VEPH1: variants seen among roughly 807,000 people sequenced by gnomAD.
VEPH1 encodes ventricular zone-expressed PH domain-containing protein homolog 1.
VEPH1 carries 80 observed loss-of-function variants against 85.2 expected under a neutral mutation model. That is an observed-to-expected ratio of 0.94 (90% CI 0.78 to 1.13). The LOEUF (loss-of-function observed/expected upper bound fraction) is 1.13, where lower values mean the gene tolerates loss of function less well. Ranked by LOEUF, VEPH1 falls within the 50% of genes most tolerant of loss-of-function variation. The pLI, the probability that VEPH1 is intolerant of heterozygous loss-of-function variation, is 0.00. For missense variants in VEPH1, 955 were observed against 980.5 expected (o/e 0.97, Z 0.35); for synonymous variants, 297 against 348.0 (o/e 0.85, Z 1.63).
chr3:157,349,165 C>A (rs889638923), intron 9 of VEPH1, among the ~76,000 whole-genome samples: 2 of 152,082 alleles, frequency 1.3e-5, no homozygotes, highest in Non-Finnish European at 2.9e-5. Flanking sequence ...TCTAACAACA[C>A]CTCAAAATGA....
chr3:157,343,854 G>T (rs1723886773), intron 9 of VEPH1, among the ~76,000 whole-genome samples: 1 of 152,186 alleles, frequency 6.6e-6, no homozygotes, highest in South Asian at 2.1e-4. Context: ...TCATCCCTGG[G>T]ATGCAAGGCT....
intron 12 of VEPH1, among the ~76,000 whole-genome samples, chr3:157,267,961 C>G (rs544307096): frequency 1.3e-5 from 2 of 152,142 alleles, no homozygotes; most frequent in African/African-American, 4.8e-5. Context: ...AGTGATAAGA[C>G]CCCCAATCTT....
At chr3:157,476,392 A>C (rs950625995) in intron 2 of VEPH1, among the ~76,000 whole-genome samples, 5 of 152,352 alleles carry the variant, frequency 3.3e-5, no homozygotes, top group Admixed American at 2.6e-4. Flanking sequence ...GGGATCACAG[A>C]GCATTTGGTC....
chr3:157,500,195 G>C (rs1286154831), intron 1 of VEPH1, among the ~76,000 whole-genome samples: 2 of 152,176 alleles, frequency 1.3e-5, no homozygotes, highest in Non-Finnish European at 2.9e-5. Context: ...CACTCCGATG[G>C]AGAAAAGGGC....
intron 4 of VEPH1, chr3:157,442,592 G>A: frequency 6.2e-7 from 1 of 1,614,206 alleles, no homozygotes; most frequent in Non-Finnish European, 8.5e-7. Flanking sequence ...GTGGAGAGGA[G>A]AACAAACTGG....
chr3:157,295,995 A>T (rs993714121), intron 11 of VEPH1, among the ~76,000 whole-genome samples: 4 of 152,202 alleles, frequency 2.6e-5, no homozygotes, highest in African/African-American at 9.6e-5. Context: ...GTCTATTTAC[A>T]CAGTGGAAAA....
chr3:157,465,163 C>T (rs576367413), intron 3 of VEPH1, among the ~76,000 whole-genome samples: 8 of 152,272 alleles, frequency 5.3e-5, no homozygotes, highest in South Asian at 2.1e-4. Flanking sequence ...AGGGCAGCCA[C>T]GTCTCCTGAG....
chr3:157,366,782 A>C (rs546146551), intron 7 of VEPH1, among the ~76,000 whole-genome samples: 139 of 152,128 alleles, frequency 9.1e-4, no homozygotes, highest in Non-Finnish European at 1.4e-3. Flanking sequence ...ACAACAACAA[A>C]AAACACTACT....
intron 6 of VEPH1, among the ~76,000 whole-genome samples, chr3:157,399,547 G>A (rs1050140319): frequency 2.2e-4 from 33 of 151,830 alleles, no homozygotes; most frequent in African/African-American, 7.0e-4. Flanking sequence ...TCAAAAATTT[G>A]CTGTTATTGA....
intron 2 of VEPH1, among the ~76,000 whole-genome samples, chr3:157,485,866 A>C (rs1738575581): frequency 6.6e-6 from 1 of 152,148 alleles, no homozygotes; most frequent in Non-Finnish European, 1.5e-5. Flanking sequence ...ACTTATTAGG[A>C]ATAAAAATGC....
At chr3:157,411,570 A>G (rs1325424870) in intron 6 of VEPH1, among the ~76,000 whole-genome samples, 1 of 152,092 alleles carries the variant, frequency 6.6e-6, no homozygotes. Flanking sequence ...TCTTTTCAGG[A>G]GATTATGACT....
intron 6 of VEPH1, among the ~76,000 whole-genome samples, chr3:157,404,494 G>C (rs1452796352): frequency 6.6e-6 from 1 of 152,150 alleles, no homozygotes. Context: ...CAGACCCTGA[G>C]ATGATTTAAG....
chr3:157,382,016 C>T (rs554215152), intron 6 of VEPH1, among the ~76,000 whole-genome samples: 4 of 152,262 alleles, frequency 2.6e-5, no homozygotes, highest in East Asian at 3.9e-4. Context: ...TCCACCTGCA[C>T]GGGGCAGGTA....
chr3:157,421,290 G>A (rs1279814485), intron 5 of VEPH1, among the ~76,000 whole-genome samples: 1 of 152,088 alleles, frequency 6.6e-6, no homozygotes, highest in Non-Finnish European at 1.5e-5. Flanking sequence ...GCCCTGGAAA[G>A]CCATGCTATC....
chr3:157,414,177 T>C, intron 5 of VEPH1, 87 bp from the exon 6 acceptor site: 2 of 1,058,884 alleles, frequency 1.9e-6, no homozygotes, highest in South Asian at 3.0e-5. Context: ...AAAGCAAACT[T>C]TTTTTGCATT....
rs754942549 is a variant in VEPH1, at chr3:157,265,662, A to G, written c.2129T>C (p.Val710Ala). The change falls in exon 13 of 14, where the codon GTT becomes GCT. Residue 710 changes from valine to alanine, a missense_variant and splice_region_variant. Physicochemically the swap from Val to Ala is moderately conservative, Grantham distance 64. Transcript: ENST00000362010. ...FMCNNPEKAT[V>A]VNQDGQPLIE... The stretch of plus-strand genomic sequence containing the variant: ...GAGAGGCTGGCCATCTTGATTTACA[A>G]CTGTTGAAGGTAGCAGAATAATCAT... 6 of 1,612,722 alleles carry G rather than the reference A, an allele frequency of 3.7e-6. No individual in the cohort carries two copies. Among genetic ancestry groups the G allele is most frequent in the Admixed American group, 3.3e-5 (2 of 59,758 alleles).
chr3:157,290,270 GAA>G (rs1230214632), intron 11 of VEPH1, among the ~76,000 whole-genome samples: 2 of 152,094 alleles, frequency 1.3e-5, no homozygotes, highest in Non-Finnish European at 2.9e-5. Context: ...CCAACAAACA[GAA>G]TGAGTTTGAA....
chr3:157,319,203 T>C (rs913808603), intron 9 of VEPH1, among the ~76,000 whole-genome samples: 1 of 152,196 alleles, frequency 6.6e-6, no homozygotes, highest in African/African-American at 2.4e-5. Context: ...AGAAGAGGAC[T>C]AGTTTTTGTG....
At chr3:157,363,937 C>G (rs1726341221) in intron 8 of VEPH1, among the ~76,000 whole-genome samples, 176 bp from the exon 9 acceptor site, 1 of 152,170 alleles carries the variant, frequency 6.6e-6, no homozygotes, top group Admixed American at 6.5e-5. Context: ...CTTTGAAAAT[C>G]TAAGTCACCT....
Sources: gnomAD v4.1 joint callset for allele counts (sites outside exome capture counted in the v4.1 genomes callset) on GRCh38, gnomAD v4.1.1 for gene constraint, MANE v1.5 for transcripts, NCBI Gene and HGNC (gene_info 2026-07-23, HGNC 2026-07-21) for gene names.